Variants in KCNK2 observed in about 807,000 individuals in gnomAD.
The protein encoded by KCNK2 is potassium channel subfamily K member 2.
In KCNK2, 21 loss-of-function variants were observed where a neutral mutation model predicts 40.5. The observed-to-expected ratio is 0.52, with a 90% CI of 0.37 to 0.75. The LOEUF is 0.75. KCNK2 is among the 30% of genes least tolerant of loss of function. The pLI is 0.00. For synonymous variants in KCNK2, 191 were observed against 202.2 expected (o/e 0.94, Z 0.47); for missense variants, 399 against 531.6 (o/e 0.75, Z 2.45).
intron 1 of KCNK2, among the ~76,000 whole-genome samples, chr1:215,055,162 A>G (rs1364421708): frequency 6.6e-6 from 1 of 152,220 alleles, no homozygotes; most frequent in Non-Finnish European, 1.5e-5. Context: ...GTCTCTTAAA[A>G]TATACCACCA....
At chr1:215,087,317 A>G (rs553132865) in intron 2 of KCNK2, among the ~76,000 whole-genome samples, 1 of 152,382 alleles carries the variant, frequency 6.6e-6, no homozygotes, top group East Asian at 1.9e-4. Flanking sequence ...CAGCTAAGAG[A>G]AATTTACTAG....
At chr1:215,074,710 C>T (rs1199092466) in intron 1 of KCNK2, among the ~76,000 whole-genome samples, 1 of 152,080 alleles carries the variant, frequency 6.6e-6, no homozygotes, top group East Asian at 1.9e-4. Flanking sequence ...AGTATTGGCA[C>T]ACTTAAAAAA....
chr1:215,082,698 G>C (rs1364852849), upstream of KCNK2, among the ~76,000 whole-genome samples: 1 of 151,954 alleles, frequency 6.6e-6, no homozygotes, highest in Non-Finnish European at 1.5e-5. Context: ...TGAGACAGGA[G>C]GGGGAGGAGG....
intron 1 of KCNK2, among the ~76,000 whole-genome samples, chr1:215,064,899 T>C (rs1215597655): frequency 1.3e-5 from 2 of 152,204 alleles, no homozygotes; most frequent in Non-Finnish European, 2.9e-5. Flanking sequence ...ATATGCCCTC[T>C]TTATTTCTTG....
At chr1:215,210,059 C>T (rs1241355599) in intron 6 of KCNK2, among the ~76,000 whole-genome samples, 2 of 55,814 alleles carry the variant, frequency 3.6e-5, no homozygotes, top group Non-Finnish European at 6.3e-5. Context: ...TATATACACA[C>T]ACTATACAAA....
At chr1:215,075,546 T>C in intron 1 of KCNK2, among the ~76,000 whole-genome samples, 1 of 152,212 alleles carries the variant, frequency 6.6e-6, no homozygotes, top group East Asian at 1.9e-4. Context: ...CTGGAAAATC[T>C]CTTTCTGCTA....
At chr1:215,030,308 A>G (rs1256568172) in intron 1 of KCNK2, among the ~76,000 whole-genome samples, 1 of 149,072 alleles carries the variant, frequency 6.7e-6, no homozygotes, top group African/African-American at 2.5e-5. Context: ...ACAGTCCTTT[A>G]TCAGGTATTT....
chr1:215,124,515 A>G (rs1661331577), intron 2 of KCNK2, 118 bp from the exon 3 acceptor site: 2 of 729,116 alleles, frequency 2.7e-6, no homozygotes, highest in Non-Finnish European at 5.0e-6. Context: ...TAAATGGAAG[A>G]GCAAAATGTT....
chr1:215,217,892 T>G (rs1337580489), intron 6 of KCNK2, among the ~76,000 whole-genome samples: 1 of 152,202 alleles, frequency 6.6e-6, no homozygotes, highest in South Asian at 2.1e-4. Context: ...GCACTGAGAT[T>G]GGTGCTAGAG....
chr1:215,045,620 G>A (rs1035463954), intron 1 of KCNK2, among the ~76,000 whole-genome samples: 2 of 152,116 alleles, frequency 1.3e-5, no homozygotes, highest in Non-Finnish European at 2.9e-5. Flanking sequence ...TTGATAGACA[G>A]CATATGAAAA....
At chr1:215,032,302 A>G (rs533007481) in intron 1 of KCNK2, among the ~76,000 whole-genome samples, 2 of 152,064 alleles carry the variant, frequency 1.3e-5, no homozygotes, top group East Asian at 1.9e-4. Context: ...CCCAGCTACT[A>G]GGAAGGCTGA....
At chr1:215,036,250 T>C (rs947494805) in intron 1 of KCNK2, among the ~76,000 whole-genome samples, 35 of 151,912 alleles carry the variant, frequency 2.3e-4, no homozygotes, top group African/African-American at 8.2e-4. Flanking sequence ...TCATTTGTTT[T>C]CCATATGGAT....
At chr1:215,213,956 T>A (rs1003830734) in intron 6 of KCNK2, among the ~76,000 whole-genome samples, 2 of 152,178 alleles carry the variant, frequency 1.3e-5, no homozygotes, top group Non-Finnish European at 2.9e-5. Flanking sequence ...CATTTGTGGG[T>A]CTTTGCATTC....
At chr1:215,136,966 T>C (rs1439656152) in intron 3 of KCNK2, among the ~76,000 whole-genome samples, 1 of 152,214 alleles carries the variant, frequency 6.6e-6, no homozygotes, top group Non-Finnish European at 1.5e-5. Context: ...CTGTGTCTTC[T>C]TAACTTTATT....
At chr1:215,014,888 A>C (rs1422363511) in intron 1 of KCNK2, among the ~76,000 whole-genome samples, 1 of 152,148 alleles carries the variant, frequency 6.6e-6, no homozygotes, top group Non-Finnish European at 1.5e-5. Flanking sequence ...TTGACAATAC[A>C]GCTGTAAGTT....
At chr1:215,044,662 A>T (rs1398738469) in intron 1 of KCNK2, among the ~76,000 whole-genome samples, 2 of 152,166 alleles carry the variant, frequency 1.3e-5, no homozygotes, top group Non-Finnish European at 2.9e-5. Context: ...ACCATGCAGT[A>T]AAAAGTGAAA....
intron 6 of KCNK2, among the ~76,000 whole-genome samples, chr1:215,195,585 A>G (rs1286736288): frequency 1.3e-5 from 2 of 152,162 alleles, no homozygotes; most frequent in African/African-American, 2.4e-5. Flanking sequence ...AGCTGTATGC[A>G]TTATGGCCGT....
intron 6 of KCNK2, among the ~76,000 whole-genome samples, chr1:215,208,496 A>T (rs1665414305): frequency 5.3e-5 from 8 of 152,146 alleles, no homozygotes; most frequent in Admixed American, 3.9e-4. Flanking sequence ...TGCATCCCCC[A>T]TCCTAAAATA....
At chr1:215,060,441 A>G (rs866298849) in intron 1 of KCNK2, among the ~76,000 whole-genome samples, 1 of 152,174 alleles carries the variant, frequency 6.6e-6, no homozygotes. Flanking sequence ...TCAAAAGAAG[A>G]AAAGAGTCTG....
Sources: allele counts gnomAD v4.1 joint callset (sites outside exome capture counted in the v4.1 genomes callset), GRCh38; gene constraint gnomAD v4.1.1; transcripts MANE v1.5; gene names NCBI Gene and HGNC (gene_info 2026-07-23, HGNC 2026-07-21).